Variants in CFAP47 observed in about 807,000 individuals in gnomAD.
The protein encoded by CFAP47 is cilia- and flagella-associated protein 47.
CFAP47 carries 29 observed loss-of-function variants against 148.1 expected under a neutral mutation model. The observed-to-expected ratio is 0.20, with a 90% CI of 0.15 to 0.27. The LOEUF is 0.27. CFAP47 is among the 10% of genes least tolerant of loss of function. The pLI is 1.00. For synonymous variants in CFAP47, 664 were observed against 577.3 expected, an observed-to-expected ratio of 1.15 and a Z score of -2.15; for missense variants, 1,872 against 1,697.5, an observed-to-expected ratio of 1.10 and a Z score of -1.81.
intron 33 of CFAP47, among the ~76,000 whole-genome samples, chrX:36,105,706 A>G (rs1938455231): frequency 1.8e-5 from 2 of 112,372 alleles, no homozygotes; most frequent in African/African-American, 3.2e-5. Context: ...TACAAAACAA[A>G]GTACAAATAA....
chrX:35,987,095 T>C (rs1936726220), intron 15 of CFAP47, among the ~76,000 whole-genome samples: 1 of 111,731 alleles, frequency 9.0e-6, no homozygotes, highest in African/African-American at 3.3e-5. Flanking sequence ...AGAGACCCAC[T>C]TGAGGAGGCA....
At chrX:36,271,125 G>T (rs1940953800) in intron 49 of CFAP47, among the ~76,000 whole-genome samples, 1 of 111,586 alleles carries the variant, frequency 9.0e-6, no homozygotes, top group Admixed American at 9.6e-5. Context: ...ATTAGTGGAA[G>T]ATTTTTTAGG....
intron 34 of CFAP47, 116 bp from the exon 35 acceptor site, chrX:36,138,232 A>G (rs1223807783): frequency 1.2e-6 from 1 of 801,737 alleles, no homozygotes; most frequent in African/African-American, 2.2e-5. Flanking sequence ...GATTGCAATA[A>G]TTTATTACTG....
intron 21 of CFAP47, among the ~76,000 whole-genome samples, chrX:36,013,177 T>G (rs760459085): frequency 1.8e-5 from 2 of 111,832 alleles, no homozygotes; most frequent in Non-Finnish European, 3.8e-5. Flanking sequence ...AACATGAAGA[T>G]CGACTCTTTC....
intron 33 of CFAP47, among the ~76,000 whole-genome samples, chrX:36,126,404 T>C (rs1268280713): frequency 9.0e-6 from 1 of 111,575 alleles, no homozygotes; most frequent in Non-Finnish European, 1.9e-5. Context: ...GTTCCATCCA[T>C]GTCCCTGCAA....
intron 6 of CFAP47, 21 bp from the exon 7 acceptor site, chrX:35,953,571 C>G (rs781698303): frequency 6.6e-5 from 76 of 1,154,927 alleles, no homozygotes; most frequent in Non-Finnish European, 8.5e-5. Context: ...TTAAAAATAA[C>G]TCATTGTGAT....
chrX:36,346,612 G>A (rs994596641), intron 57 of CFAP47, among the ~76,000 whole-genome samples: 3 of 111,335 alleles, frequency 2.7e-5, no homozygotes, highest in Admixed American at 9.7e-5. Context: ...AAACATATAC[G>A]AGAAAATAAA....
At chrX:36,072,029 A>G (rs978648618) in intron 28 of CFAP47, 58 bp downstream of exon 28, 5 of 885,028 alleles carry the variant, frequency 5.6e-6, no homozygotes, top group South Asian at 6.3e-5. Flanking sequence ...GATCTCCTTA[A>G]TATCACTTAA....
At chrX:36,128,891 G>T (rs1938893972) in intron 33 of CFAP47, among the ~76,000 whole-genome samples, 1 of 109,785 alleles carries the variant, frequency 9.1e-6, no homozygotes, top group South Asian at 3.8e-4. Context: ...TTAGTTGATT[G>T]CTTTAACTTA....
At chrX:36,125,921 T>C (rs1938828012) in intron 33 of CFAP47, among the ~76,000 whole-genome samples, 1 of 111,339 alleles carries the variant, frequency 9.0e-6, no homozygotes, top group South Asian at 3.7e-4. Flanking sequence ...GCCTGCGTTA[T>C]AAATATGTGT....
chrX:36,343,764 G>GA (rs782820256), intron 57 of CFAP47, among the ~76,000 whole-genome samples: 39 of 111,343 alleles, frequency 3.5e-4, no homozygotes, highest in African/African-American at 1.0e-3. Flanking sequence ...AGGGCAATGG[G>GA]AAAACCATAG....
At chrX:36,259,886 C>T (rs182690758) in intron 49 of CFAP47, among the ~76,000 whole-genome samples, 1 of 110,957 alleles carries the variant, frequency 9.0e-6, no homozygotes, top group Non-Finnish European at 1.9e-5. Flanking sequence ...TCAAGCAGTT[C>T]CCAGTGTCTA....
chrX:35,929,465 A>G (rs759823888), intron 2 of CFAP47, among the ~76,000 whole-genome samples: 129 of 111,742 alleles, frequency 1.2e-3, no homozygotes, highest in Non-Finnish European at 2.1e-3. Flanking sequence ...CCTTGTTGCT[A>G]TATACAGAGA....
At chrX:36,157,969 T>C (rs1404523511) in intron 37 of CFAP47, among the ~76,000 whole-genome samples, 1 of 112,017 alleles carries the variant, frequency 8.9e-6, no homozygotes, top group East Asian at 2.8e-4. Flanking sequence ...ATTGAAATTG[T>C]TGAGGACACA....
chrX:35,998,465 C>T (rs1936874228), intron 19 of CFAP47, among the ~76,000 whole-genome samples: 1 of 111,282 alleles, frequency 9.0e-6, no homozygotes, highest in Non-Finnish European at 1.9e-5. Context: ...ACCATCAGAG[C>T]AGTTGTCATA....
intron 39 of CFAP47, among the ~76,000 whole-genome samples, chrX:36,170,702 G>C (rs1490768873): frequency 9.3e-6 from 1 of 107,412 alleles, no homozygotes; most frequent in Non-Finnish European, 1.9e-5. Flanking sequence ...ATCATTGTTG[G>C]ACATTTGGGT....
chrX:36,099,431 C>A (rs1300626811), intron 31 of CFAP47, among the ~76,000 whole-genome samples: 1 of 108,322 alleles, frequency 9.2e-6, no homozygotes, highest in Non-Finnish European at 1.9e-5. Context: ...TTCTTTGGCA[C>A]TATGCTGAGG....
chrX:35,945,504 C>T (rs746145968), intron 3 of CFAP47, among the ~76,000 whole-genome samples: 1 of 111,234 alleles, frequency 9.0e-6, no homozygotes, highest in East Asian at 2.9e-4. Flanking sequence ...AACAGCTTCC[C>T]CCAATACTTC....
At chrX:36,190,005 C>T in intron 41 of CFAP47, 46 bp from the exon 42 acceptor site, 1 of 295,461 alleles carries the variant, frequency 3.4e-6, no homozygotes, top group East Asian at 4.8e-5. Flanking sequence ...AAATGAACAG[C>T]ACTTACAAAA....
Sources: gnomAD v4.1 joint callset for allele counts (sites outside exome capture counted in the v4.1 genomes callset) on GRCh38, gnomAD v4.1.1 for gene constraint, MANE v1.5 for transcripts, NCBI Gene and HGNC (gene_info 2026-07-23, HGNC 2026-07-21) for gene names.